Variants in EFCAB6 observed in about 807,000 individuals in gnomAD.
EFCAB6 encodes the protein EF-hand calcium binding domain 6, also known as EF-hand calcium-binding domain-containing protein 6.
In EFCAB6, 156 loss-of-function variants were observed where a neutral mutation model predicts 169.8. The ratio of observed to expected loss-of-function variants is 0.92; its 90% CI spans 0.81 to 1.05. The LOEUF (loss-of-function observed/expected upper bound fraction) is 1.05. EFCAB6 is among the 50% of genes least tolerant of loss of function. The probability of loss-of-function intolerance (pLI) is 0.00; values close to 1 mark genes in which losing one functional copy is unlikely to be tolerated. For synonymous variants in EFCAB6, 698 were observed against 676.4 expected (o/e 1.03, Z -0.50); for missense variants, 1,800 against 1,829.1 (o/e 0.98, Z 0.29).
chr22:43,683,910 CTTT>C, intron 11 of EFCAB6, 55 bp from the exon 12 acceptor site: 1 of 1,403,170 alleles, frequency 7.1e-7, no homozygotes, highest in Non-Finnish European at 1.0e-6. Flanking sequence ...GAACTTTGTT[CTTT>C]TCTTAATGCA....
intron 5 of EFCAB6, among the ~76,000 whole-genome samples, chr22:43,763,232 T>A (rs2061223425): frequency 6.6e-6 from 1 of 152,056 alleles, no homozygotes; most frequent in South Asian, 2.1e-4. Flanking sequence ...AGAGATGGGG[T>A]TTTGCTACGT....
chr22:43,665,694 G>A (rs1252057560), intron 17 of EFCAB6, among the ~76,000 whole-genome samples: 1 of 152,188 alleles, frequency 6.6e-6, no homozygotes, highest in Non-Finnish European at 1.5e-5. Flanking sequence ...CATTGAAACT[G>A]CTCTAATCAA....
intron 22 of EFCAB6, among the ~76,000 whole-genome samples, chr22:43,604,123 C>A (rs2052738422): frequency 6.6e-6 from 1 of 152,120 alleles, no homozygotes; most frequent in African/African-American, 2.4e-5. Flanking sequence ...TGAGCAGATG[C>A]CAGCATCACA....
intron 10 of EFCAB6, among the ~76,000 whole-genome samples, chr22:43,694,638 C>G (rs2058510906): frequency 6.6e-6 from 1 of 152,008 alleles, no homozygotes; most frequent in Non-Finnish European, 1.5e-5. Flanking sequence ...TCCTAGGATG[C>G]AAGGTTGGCT....
chr22:43,541,143 G>A (rs905063186), intron 27 of EFCAB6, among the ~76,000 whole-genome samples: 5 of 152,192 alleles, frequency 3.3e-5, no homozygotes, highest in East Asian at 1.9e-4. Flanking sequence ...CCAGAGAGGC[G>A]AGGGGAGGCT....
At chr22:43,645,316 T>A (rs1352658459) in intron 17 of EFCAB6, among the ~76,000 whole-genome samples, 2 of 152,348 alleles carry the variant, frequency 1.3e-5, no homozygotes, top group Admixed American at 1.3e-4. Context: ...AAAGTGCATG[T>A]CATTTCTTAA....
At chr22:43,633,376 C>A (rs1415408248) in intron 18 of EFCAB6, among the ~76,000 whole-genome samples, 1 of 152,166 alleles carries the variant, frequency 6.6e-6, no homozygotes, top group Non-Finnish European at 1.5e-5. Flanking sequence ...GGTGAAACCC[C>A]ATCTCTACTA....
intron 24 of EFCAB6, among the ~76,000 whole-genome samples, chr22:43,582,063 A>C (rs1351904592): frequency 6.6e-6 from 1 of 152,230 alleles, no homozygotes; most frequent in Admixed American, 6.5e-5. Flanking sequence ...TTAAGGTTTC[A>C]ATACATAAAA....
At chr22:43,693,057 A>G (rs1332423072) in intron 10 of EFCAB6, among the ~76,000 whole-genome samples, 4 of 152,178 alleles carry the variant, frequency 2.6e-5, no homozygotes, top group Admixed American at 2.6e-4. Context: ...ATTCAAAACA[A>G]CAGAAGTGGA....
At chr22:43,800,723 G>A (rs1314458859) in intron 2 of EFCAB6, among the ~76,000 whole-genome samples, 4 of 151,986 alleles carry the variant, frequency 2.6e-5, no homozygotes, top group African/African-American at 9.7e-5. Flanking sequence ...CAGCAAAATG[G>A]ATCAAGAAAA....
chr22:43,546,358 C>T (rs185128363), intron 27 of EFCAB6, among the ~76,000 whole-genome samples: 5 of 152,266 alleles, frequency 3.3e-5, no homozygotes, highest in East Asian at 3.9e-4. Flanking sequence ...ACATCAGAGC[C>T]GCCTGGAGTG....
intron 8 of EFCAB6, among the ~76,000 whole-genome samples, chr22:43,718,063 C>T (rs5845615): frequency 5.3e-5 from 7 of 131,906 alleles, no homozygotes; most frequent in South Asian, 4.6e-4. Context: ...CATCCATCCA[C>T]CCATCCATCC....
Position 43,692,692 on chromosome 22 carries a change from G to T in EFCAB6, c.1032-5111C>A, listed in dbSNP as rs73174326. On this transcript the variant is annotated intron_variant, in intron 10 of 31. Coordinates refer to ENST00000262726, the MANE Select transcript of EFCAB6 (RefSeq NM_022785.4). ...ACCAACTGAACCCAACCAATATGAA[G>T]ACTACAGAATACACATATATTTATC... Among the ~76,000 whole-genome samples, 257 of 152,024 alleles carry T rather than the reference G, an allele frequency of 1.7e-3. 1 individual carries two copies. The highest frequency in any genetic ancestry group is 8.5e-4 in the Non-Finnish European group (58 of 67,966).
At chr22:43,786,732 T>C (rs1038177989) in intron 2 of EFCAB6, among the ~76,000 whole-genome samples, 2 of 150,384 alleles carry the variant, frequency 1.3e-5, no homozygotes, top group Non-Finnish European at 3.0e-5. Flanking sequence ...ATAAATAAAA[T>C]AAAATTTAAA....
At chr22:43,583,695 G>A (rs562261710) in intron 24 of EFCAB6, among the ~76,000 whole-genome samples, 1 of 152,234 alleles carries the variant, frequency 6.6e-6, no homozygotes, top group Non-Finnish European at 1.5e-5. Flanking sequence ...AGGCCCCAGA[G>A]AGACCTTTGT....
intron 6 of EFCAB6, among the ~76,000 whole-genome samples, chr22:43,739,208 C>T (rs2060277611): frequency 6.6e-6 from 1 of 152,268 alleles, no homozygotes; most frequent in African/African-American, 2.4e-5. Flanking sequence ...CAAAGACTTC[C>T]ACCTTGTCAA....
intron 6 of EFCAB6, among the ~76,000 whole-genome samples, chr22:43,745,700 A>G (rs2060536840): frequency 1.3e-5 from 2 of 152,202 alleles, no homozygotes; most frequent in Admixed American, 6.5e-5. Flanking sequence ...GAAACCATGA[A>G]AAAGGATTTC....
rs537670639 is a variant in EFCAB6, at chr22:43,786,666, A to G, written c.-7-4341T>C. 1.3e-5 allele frequency among the ~76,000 whole-genome samples: 2 copies of G among 152,294 alleles called. 1 individual carries two copies. The highest frequency in any genetic ancestry group is 4.8e-5 in the African/African-American group (2 of 41,568). ...GAGGCAGAGTTTGCACTGAGCCAAG[A>G]TCGCGCCACTGCACTCCAGCCTGGG... On this transcript the variant is annotated intron_variant, in intron 2 of 31. Transcript: ENST00000262726.
At chr22:43,601,768 G>A (rs542477457) in intron 22 of EFCAB6, among the ~76,000 whole-genome samples, 7 of 152,218 alleles carry the variant, frequency 4.6e-5, no homozygotes, top group African/African-American at 1.4e-4. Context: ...ACGCACTTGT[G>A]CTAAAACTTG....
Sources: gnomAD v4.1 joint callset for allele counts (sites outside exome capture counted in the v4.1 genomes callset) on GRCh38, gnomAD v4.1.1 for gene constraint, MANE v1.5 for transcripts, NCBI Gene and HGNC (gene_info 2026-07-23, HGNC 2026-07-21) for gene names.